Variants in MVB12B observed in about 807,000 individuals in gnomAD.
MVB12B encodes multivesicular body subunit 12B.
MVB12B carries 16 observed loss-of-function variants against 41.6 expected under a neutral mutation model. The observed-to-expected ratio is 0.38, with a 90% CI of 0.26 to 0.58. The LOEUF is 0.58. Ranked by LOEUF, MVB12B falls within the 20% of genes least tolerant of loss-of-function variation. The pLI is 0.62. For missense variants in MVB12B, 274 were observed against 380.2 expected (o/e 0.72, Z 2.32); for synonymous variants, 133 against 139.7 (o/e 0.95, Z 0.34).
At chr9:126,410,123 A>G (rs972039991) in intron 6 of MVB12B, among the ~76,000 whole-genome samples, 11 of 149,890 alleles carry the variant, frequency 7.3e-5, no homozygotes, top group African/African-American at 2.5e-4. Flanking sequence ...CCCTTGTCCA[A>G]TGCACAGTGA....
chr9:126,378,209 G>T (rs1023944214), intron 2 of MVB12B, among the ~76,000 whole-genome samples: 1 of 152,254 alleles, frequency 6.6e-6, no homozygotes. Flanking sequence ...CCAGGTGGGC[G>T]TGGGCACTGT....
Position 126,486,147 on chromosome 9 carries a change from C to T in MVB12B, c.873+2115C>T, listed in dbSNP as rs1171486840. Among the ~76,000 whole-genome samples, 1 of 152,126 alleles carries T rather than the reference C, an allele frequency of 6.6e-6. No individual in the cohort carries two copies. Among genetic ancestry groups the T allele is most frequent in the African/African-American group, 2.4e-5 (1 of 41,412 alleles). On this transcript the variant is annotated intron_variant, in intron 9 of 9. Coordinates refer to ENST00000361171, the MANE Select transcript of MVB12B (RefSeq NM_033446.3). This position sits in a 1 kb window ranked among gnomAD's most constrained non-coding sequence, Gnocchi z 4.7. ...CCTTTGTCTTTGATTTTCAGTAAAT[C>T]ATAAAAACCAACCTGATTGTCATAT...
chr9:126,381,050 T>A lies in MVB12B; in HGVS notation c.205-14T>A, dbSNP rs574666898. On this transcript the variant is annotated splice_polypyrimidine_tract_variant and intron_variant, in intron 2 of 9. Coordinates refer to ENST00000361171, the MANE Select transcript of MVB12B (RefSeq NM_033446.3). ...GCCTTACCTGCAATCCTTTTCTCTG[T>A]CTCTCCGGTGTAGGTTGCACAGACA... is the stretch of plus-strand genomic sequence containing the variant. 1 of 1,610,706 alleles carries A rather than the reference T, an allele frequency of 6.2e-7. No individual in the cohort carries two copies. Among genetic ancestry groups the A allele is most frequent in the East Asian group, 2.2e-5 (1 of 44,830 alleles).
chr9:126,390,803 A>G (rs1441780283), intron 4 of MVB12B, among the ~76,000 whole-genome samples: 1 of 152,164 alleles, frequency 6.6e-6, no homozygotes, highest in Non-Finnish European at 1.5e-5. Flanking sequence ...TACTAAAAAT[A>G]CAAAAATGAG....
chr9:126,478,599 G>T lies in MVB12B; in HGVS notation c.758-2770G>T, dbSNP rs549366898. 6.6e-6 allele frequency among the ~76,000 whole-genome samples: 1 copy of T among 152,182 alleles called. No homozygotes were observed. The highest frequency in any genetic ancestry group is 2.1e-4 in the South Asian group (1 of 4,832). On this transcript the variant is annotated intron_variant, in intron 7 of 9. Transcript: ENST00000361171. The surrounding 1 kb of genome is among the most constrained non-coding windows in gnomAD (Gnocchi z 4.2). The stretch of plus-strand genomic sequence containing the variant: ...GAGGGAGGGAAGGGATGGGTAAGCC[G>T]GGAAGAGGGTCAGGTGCAAGGGGCC...
chr9:126,471,063 C>T (rs1371340948), intron 7 of MVB12B, among the ~76,000 whole-genome samples: 1 of 152,170 alleles, frequency 6.6e-6, no homozygotes, highest in Admixed American at 6.5e-5. Context: ...GAAAGAGAGG[C>T]TCAGAGAGAT....
chr9:126,342,583 T>C (rs10987252), intron 2 of MVB12B, among the ~76,000 whole-genome samples: 7,435 of 152,240 alleles, frequency 0.049, 201 homozygotes, highest in Middle Eastern at 0.075. Context: ...CTTGAGCTCA[T>C]CCGCCCGGTA....
chr9:126,506,959 G>A lies in MVB12B; in HGVS notation c.*3696G>A, dbSNP rs1834085428. ...TGCATATTTATTCAAGGTGACTCTT[G>A]TACTTGGCAAGGGAAGTCCACTGTG... On this transcript the variant is annotated 3_prime_UTR_variant, in exon 10 of 10. Transcript: ENST00000361171. The A allele has an allele frequency of 6.5e-6, 1 of 152,688 alleles. No individual in the cohort carries two copies. Among genetic ancestry groups the A allele is most frequent in the African/African-American group, 2.4e-5 (1 of 41,456 alleles). 9.5% of individuals were successfully genotyped at this position (152,688 alleles called of 1,614,324 possible).
chr9:126,373,199 C>T (rs7045630), intron 2 of MVB12B, among the ~76,000 whole-genome samples: 48,618 of 152,166 alleles, frequency 0.32, 8,016 homozygotes, highest in South Asian at 0.42. Context: ...AAATCAGAAC[C>T]GAAAAACTGA....
intron 7 of MVB12B, among the ~76,000 whole-genome samples, chr9:126,422,848 GATC>G (rs1832065674): frequency 6.6e-6 from 1 of 152,184 alleles, no homozygotes; most frequent in Admixed American, 6.5e-5. Context: ...TTCTCGTTAT[GATC>G]ACTCCCTAAT....
chr9:126,434,036 CT>C (rs1314059232), intron 7 of MVB12B, among the ~76,000 whole-genome samples: 2 of 152,306 alleles, frequency 1.3e-5, no homozygotes, highest in South Asian at 4.1e-4. Context: ...GAGGGTCCCC[CT>C]TTTTTGTCAG....
At chr9:126,487,826 C>G (rs987730850) in intron 9 of MVB12B, among the ~76,000 whole-genome samples, 7 of 150,952 alleles carry the variant, frequency 4.6e-5, no homozygotes, top group Admixed American at 1.3e-4. Flanking sequence ...AAATTAAAGT[C>G]GATGTAAAGA....
At chr9:126,433,167 G>A (rs567034552) in intron 7 of MVB12B, among the ~76,000 whole-genome samples, 25 of 152,236 alleles carry the variant, frequency 1.6e-4, no homozygotes, top group African/African-American at 5.3e-4. Flanking sequence ...GGGGGTGACG[G>A]TGACTTATGG....
In MVB12B at chr9:126,380,759, T is replaced by G. The variant is rs76863736; in HGVS notation, c.205-305T>G. Among the ~76,000 whole-genome samples the G allele has an allele frequency of 6.3e-3, 962 of 152,356 alleles. 14 individuals carry two copies. Among genetic ancestry groups the G allele is most frequent in the African/African-American group, 0.022 (908 of 41,582 alleles). On this transcript the variant is annotated intron_variant, in intron 2 of 9. Transcript: ENST00000361171. Reference sequence around the variant, plus strand: ...CGAGTAAGTGGTAATAGCCGCTTAATGTACTGACTTACCCAATCCCTTCTT... The same window carrying G: ...CGAGTAAGTGGTAATAGCCGCTTAAGGTACTGACTTACCCAATCCCTTCTT...
intron 6 of MVB12B, chr9:126,397,243 C>T (rs1298946042): frequency 1.0e-6 from 1 of 985,360 alleles, no homozygotes; most frequent in Non-Finnish European, 1.2e-6. Context: ...CAGGTTTTGA[C>T]TTTCTGTGGT....
At chr9:126,373,104 C>T (rs1162707308) in intron 2 of MVB12B, among the ~76,000 whole-genome samples, 1 of 152,080 alleles carries the variant, frequency 6.6e-6, no homozygotes, top group Non-Finnish European at 1.5e-5. Flanking sequence ...ATGCATTTGT[C>T]TCAGGGAACA....
intron 6 of MVB12B, among the ~76,000 whole-genome samples, chr9:126,402,742 T>C (rs1005106479): frequency 1.6e-4 from 25 of 152,258 alleles, no homozygotes; most frequent in Non-Finnish European, 2.9e-5. Context: ...CAGGCATAAC[T>C]ATGGGTCTGG....
At chr9:126,443,963 T>C (rs959137109) in intron 7 of MVB12B, among the ~76,000 whole-genome samples, 10 of 152,262 alleles carry the variant, frequency 6.6e-5, no homozygotes, top group Non-Finnish European at 1.5e-4. Flanking sequence ...GCTTTGTGTG[T>C]CTCTCAGCAT....
rs7863411 is a variant in MVB12B at position 126,376,406 on chromosome 9, C to G, written c.205-4658C>G. 3,360 of 852,018 alleles carry G rather than the reference C, an allele frequency of 3.9e-3. 91 individuals are homozygous for G. The African/African-American group carries it at 0.053, about 13-fold the overall frequency. The allele number at this position is 852,018 out of a possible 1,614,324, so 52.8% of individuals were successfully genotyped here. A position where few individuals can be genotyped will look rare whatever the true frequency, so the allele number is the denominator to read the frequency against. ...CCTTCTGTCATGTCTGAGCCTGTCC[C>G]CAGTGCCTGGTGACCCTTTGTTGTG... On this transcript the variant is annotated intron_variant, in intron 2 of 9. Coordinates refer to ENST00000361171, the MANE Select transcript of MVB12B (RefSeq NM_033446.3). The surrounding 1 kb of genome is among the most constrained non-coding windows in gnomAD (Gnocchi z 4.1).
Sources: allele counts gnomAD v4.1 joint callset (sites outside exome capture counted in the v4.1 genomes callset), GRCh38; gene constraint gnomAD v4.1.1; non-coding constraint Gnocchi (gnomAD v3.1); transcripts MANE v1.5; gene names NCBI Gene and HGNC (gene_info 2026-07-23, HGNC 2026-07-21).